Variants in SPATA16 observed in about 807,000 individuals in gnomAD.
The protein encoded by SPATA16 is spermatogenesis-associated protein 16.
Under a neutral mutation model 63.3 loss-of-function variants are expected in SPATA16, and 36 were observed. The ratio of observed to expected loss-of-function variants is 0.57; its 90% CI spans 0.44 to 0.75. The LOEUF (loss-of-function observed/expected upper bound fraction) is 0.75. Ranked by LOEUF, SPATA16 falls within the 30% of genes least tolerant of loss-of-function variation. SPATA16 has a pLI of 0.00. For synonymous variants in SPATA16, 203 were observed against 216.7 expected (o/e 0.94, Z 0.56); for missense variants, 646 against 679.3 (o/e 0.95, Z 0.54).
chr3:173,137,613 A>C (rs1738581570), intron 1 of SPATA16, among the ~76,000 whole-genome samples: 1 of 152,122 alleles, frequency 6.6e-6, no homozygotes, highest in Admixed American at 6.6e-5. Context: ...CTTTTCTTTC[A>C]ATCTGGTAAT....
intron 5 of SPATA16, among the ~76,000 whole-genome samples, chr3:172,973,790 C>T (rs774549390): frequency 2.0e-5 from 3 of 152,092 alleles, no homozygotes; most frequent in Non-Finnish European, 4.4e-5. Context: ...TAGTCTAAGC[C>T]TGACTTGGTA....
chr3:172,992,202 G>A (rs1325827766), intron 4 of SPATA16, among the ~76,000 whole-genome samples: 1 of 152,056 alleles, frequency 6.6e-6, no homozygotes, highest in Non-Finnish European at 1.5e-5. Flanking sequence ...ACCACAGCTT[G>A]CATGACATTT....
At chr3:173,140,331 T>G (rs994965188) in intron 1 of SPATA16, among the ~76,000 whole-genome samples, 2 of 152,084 alleles carry the variant, frequency 1.3e-5, no homozygotes, top group African/African-American at 4.8e-5. Context: ...AGAACTTTAC[T>G]GATATCTATT....
At chr3:173,039,202 G>T (rs1247783062) in intron 3 of SPATA16, among the ~76,000 whole-genome samples, 1 of 152,078 alleles carries the variant, frequency 6.6e-6, no homozygotes, top group African/African-American at 2.4e-5. Flanking sequence ...TACAGAGGAA[G>T]AGGTTGCAGA....
chr3:173,009,624 C>A (rs1327000690), intron 4 of SPATA16, among the ~76,000 whole-genome samples: 1 of 152,224 alleles, frequency 6.6e-6, no homozygotes, highest in Admixed American at 6.5e-5. Flanking sequence ...CTGCAGCAGC[C>A]GCAGTGCTCA....
intron 6 of SPATA16, among the ~76,000 whole-genome samples, chr3:172,951,465 A>G (rs1733429492): frequency 6.6e-6 from 1 of 152,134 alleles, no homozygotes; most frequent in Non-Finnish European, 1.5e-5. Context: ...TGTAAAGTTC[A>G]TAGATAATGC....
At chr3:173,086,828 A>G (rs1737069538) in intron 2 of SPATA16, among the ~76,000 whole-genome samples, 1 of 152,096 alleles carries the variant, frequency 6.6e-6, no homozygotes, top group African/African-American at 2.4e-5. Flanking sequence ...TTCAATTTCC[A>G]TGTAGTTGCA....
intron 2 of SPATA16, among the ~76,000 whole-genome samples, chr3:173,058,776 TA>T: frequency 6.6e-6 from 1 of 152,106 alleles, no homozygotes; most frequent in Admixed American, 6.5e-5. Context: ...TAATTAATTT[TA>T]AAAAATGTGT....
At chr3:173,114,983 G>C (rs1482999528) in intron 2 of SPATA16, among the ~76,000 whole-genome samples, 1 of 152,130 alleles carries the variant, frequency 6.6e-6, no homozygotes, top group East Asian at 1.9e-4. Context: ...TCTAAGCTAA[G>C]TTTTGGTTTC....
intron 5 of SPATA16, among the ~76,000 whole-genome samples, chr3:172,959,445 C>G (rs1305420904): frequency 1.3e-5 from 2 of 152,222 alleles, no homozygotes; most frequent in Non-Finnish European, 2.9e-5. Flanking sequence ...GCCTCCCTCT[C>G]TCCCCACTGA....
chr3:173,027,814 G>A (rs1254948353), intron 3 of SPATA16, among the ~76,000 whole-genome samples: 2 of 151,754 alleles, frequency 1.3e-5, no homozygotes, highest in African/African-American at 4.8e-5. Context: ...GATAATTTCT[G>A]ACTTCTTCCC....
At chr3:172,957,707 C>T (rs1733633898) in intron 5 of SPATA16, among the ~76,000 whole-genome samples, 1 of 152,062 alleles carries the variant, frequency 6.6e-6, no homozygotes, top group Non-Finnish European at 1.5e-5. Flanking sequence ...AAGGTACTAA[C>T]AAACAATACG....
intron 4 of SPATA16, among the ~76,000 whole-genome samples, chr3:173,018,024 C>G (rs890714738): frequency 1.3e-5 from 2 of 151,952 alleles, no homozygotes; most frequent in Admixed American, 6.6e-5. Flanking sequence ...TGTGTGAGTA[C>G]CTTAGATAAA....
intron 10 of SPATA16, among the ~76,000 whole-genome samples, chr3:172,901,041 GTTATT>G (rs140941365): frequency 0.032 from 4,933 of 151,818 alleles, 118 homozygotes; most frequent in South Asian, 0.086. Context: ...TTTTGTTATA[GTTATT>G]TTATTTTTTC....
chr3:172,978,609 C>T (rs1734222513), intron 4 of SPATA16, among the ~76,000 whole-genome samples: 1 of 152,174 alleles, frequency 6.6e-6, no homozygotes, highest in South Asian at 2.1e-4. Flanking sequence ...TTGGTCTGCA[C>T]TCTGATTGCT....
intron 2 of SPATA16, among the ~76,000 whole-genome samples, chr3:173,070,881 A>G (rs1736659379): frequency 6.6e-6 from 1 of 152,238 alleles, no homozygotes. Flanking sequence ...AAATGTCCAT[A>G]CTACCCAAAG....
intron 6 of SPATA16, among the ~76,000 whole-genome samples, chr3:172,928,975 T>C (rs1038890738): frequency 1.8e-4 from 28 of 152,204 alleles, no homozygotes; most frequent in Admixed American, 1.1e-3. Context: ...TCATGTAACA[T>C]TAATTTGAGT....
chr3:173,100,494 A>G (rs1737462754), intron 2 of SPATA16, among the ~76,000 whole-genome samples: 1 of 152,086 alleles, frequency 6.6e-6, no homozygotes, highest in South Asian at 2.1e-4. Context: ...AAGTGTGAAT[A>G]TTGTTTCATT....
intron 5 of SPATA16, among the ~76,000 whole-genome samples, chr3:172,973,312 T>G (rs968674054): frequency 6.6e-6 from 1 of 152,070 alleles, no homozygotes; most frequent in Non-Finnish European, 1.5e-5. Context: ...TGCTTGTAAA[T>G]GAATTAGATT....
Sources: gnomAD v4.1 joint callset for allele counts (sites outside exome capture counted in the v4.1 genomes callset) on GRCh38, gnomAD v4.1.1 for gene constraint, MANE v1.5 for transcripts, NCBI Gene and HGNC (gene_info 2026-07-23, HGNC 2026-07-21) for gene names.